SLC13A2: variants seen among roughly 807,000 people sequenced by gnomAD.
The protein encoded by SLC13A2 is solute carrier family 13 member 2.
Under a neutral mutation model 58.5 loss-of-function variants are expected in SLC13A2, and 40 were observed. That is an observed-to-expected ratio of 0.68 (90% CI 0.53 to 0.89). The LOEUF (loss-of-function observed/expected upper bound fraction) is 0.89. Among genes scored for constraint, SLC13A2 ranks in the 40% least tolerant of loss-of-function variants. SLC13A2 has a pLI of 0.00. For synonymous variants in SLC13A2, 341 were observed against 331.6 expected, an observed-to-expected ratio of 1.03 and a Z score of -0.31; for missense variants, 694 against 772.6, an observed-to-expected ratio of 0.90 and a Z score of 1.21.
intron 1 of SLC13A2, among the ~76,000 whole-genome samples, chr17:28,476,040 C>A (rs921188467): frequency 6.6e-6 from 1 of 152,118 alleles, no homozygotes; most frequent in Non-Finnish European, 1.5e-5. Flanking sequence ...ACGTCCAAAC[C>A]AAAACCCTTC....
At chr17:28,476,062 C>T (rs1412825704) in intron 1 of SLC13A2, among the ~76,000 whole-genome samples, 1 of 152,202 alleles carries the variant, frequency 6.6e-6, no homozygotes, top group Non-Finnish European at 1.5e-5. Context: ...TGCCCTTCTC[C>T]AGTTGGCTTA....
chr17:28,482,649 C>T (rs1485337093), intron 1 of SLC13A2, among the ~76,000 whole-genome samples: 1 of 152,224 alleles, frequency 6.6e-6, no homozygotes, highest in African/African-American at 2.4e-5. Context: ...CTCTTTTTCT[C>T]CCGTCTTCCA....
Position 28,497,141 on chromosome 17 carries a change from A to G in SLC13A2, c.1651A>G (p.Ile551Val). Residue 551 changes from isoleucine to valine, a missense_variant, in exon 12 of 12, where the codon ATC becomes GTC. By Grantham distance (29) the Ile-to-Val change is conservative (BLOSUM62 3). Transcript: ENST00000314669. The stretch of plus-strand genomic sequence containing the variant: ...CCTCAACATCATTGGAGTCCTGATC[A>G]TCGCACTGGCCATCAACAGCTGGGG... ...FLLNIIGVLIIALAINSWGIP... is the reference protein window; with the variant it reads ...FLLNIIGVLIVALAINSWGIP... 1 of 1,614,124 alleles carries G rather than the reference A, an allele frequency of 6.2e-7. No homozygotes were observed. The highest frequency in any genetic ancestry group is 1.3e-5 in the African/African-American group (1 of 75,024).
rs200761343 is a variant in SLC13A2 at position 28,491,461 on chromosome 17, C to T, written c.599C>T (p.Thr200Met). 108 of 1,613,710 alleles carry T rather than the reference C, an allele frequency of 6.7e-5. No individual in the cohort carries two copies. In the East Asian group the frequency reaches 1.8e-3, roughly 28 times the overall value. Residue 200 changes from threonine to methionine, a missense_variant, in exon 5 of 12, where the codon ACG (threonine) becomes ATG (methionine). Thr to Met is a moderately conservative substitution (Grantham distance 81, BLOSUM62 -1). Coordinates refer to ENST00000314669, the MANE Select transcript of SLC13A2 (RefSeq NM_003984.4). ...KLDNGQALPV[T>M]SASSEGRAHL... ...GATAATGGGCAGGCCCTCCCTGTCA[C>T]GTCTGCCTCTTCGGAGGGGAGGGCA... is the stretch of plus-strand genomic sequence containing the variant.
intron 2 of SLC13A2, 151 bp from the exon 3 acceptor site, chr17:28,490,303 G>A: frequency 6.3e-7 from 1 of 1,580,132 alleles, no homozygotes; most frequent in Non-Finnish European, 8.6e-7. Context: ...TTTTTAAATG[G>A]CAGATCATTC....
chr17:28,481,710 C>T (rs1180182991), intron 1 of SLC13A2, among the ~76,000 whole-genome samples: 4 of 152,210 alleles, frequency 2.6e-5, no homozygotes, highest in African/African-American at 9.7e-5. Flanking sequence ...AGTTGTGAAA[C>T]ATATTTTTAC....
At chr17:28,482,877 C>T (rs2151449104) in intron 1 of SLC13A2, among the ~76,000 whole-genome samples, 1 of 152,348 alleles carries the variant, frequency 6.6e-6, no homozygotes, top group East Asian at 1.9e-4. Context: ...GCCCCTTCTC[C>T]TCTGAGCGCC....
At position 28,496,029 on chromosome 17, in the gene SLC13A2, C is replaced by T. The variant is rs78843116; in HGVS notation, c.1470+213C>T. On this transcript the variant is annotated intron_variant, in intron 10 of 11. Coordinates refer to ENST00000314669, the MANE Select transcript of SLC13A2 (RefSeq NM_003984.4). The surrounding 1 kb of genome is among the most constrained non-coding windows in gnomAD (Gnocchi z 4.2). ...ACTCACCCCGTCCCTCATGATGTCA[C>T]CCCTGGAGTATCCTGATGGGGATCC... is the stretch of plus-strand genomic sequence containing the variant. Among the ~76,000 whole-genome samples, 27 of 152,098 alleles carry T rather than the reference C, an allele frequency of 1.8e-4. No homozygotes were observed. Among genetic ancestry groups the T allele is most frequent in the African/African-American group, 5.6e-4 (23 of 41,418 alleles).
At position 28,495,728 on chromosome 17, in the gene SLC13A2, T is replaced by C; in HGVS notation, c.1382T>C (p.Ile461Thr). The change falls in exon 10 of 12, where the codon ATC (isoleucine) becomes ACC (threonine). Residue 461 changes from isoleucine to threonine, a missense_variant. Physicochemically the swap from Ile to Thr is moderately conservative, Grantham distance 89. Transcript: ENST00000314669. ...LQSVPAPAIAIILSLLVATFT... is the reference protein window; with the variant it reads ...LQSVPAPAIATILSLLVATFT... ...AGTGTGCCAGCTCCAGCCATTGCCA[T>C]CATCCTCTCCCTCCTGGTGGCCACC... 2 of 1,613,148 alleles carry C rather than the reference T, an allele frequency of 1.2e-6. No homozygotes were observed. The highest frequency in any genetic ancestry group is 1.7e-6 in the Non-Finnish European group (2 of 1,179,936).
Position 28,491,801 on chromosome 17 carries a change from T to C in SLC13A2, c.827T>C (p.Ile276Thr). 6.2e-7 allele frequency: 1 copy of C among 1,614,176 alleles called. No homozygotes were observed. Among genetic ancestry groups the C allele is most frequent in the Non-Finnish European group, 8.5e-7 (1 of 1,180,012 alleles). Reference sequence around the variant, plus strand: ...AGCTTCGCCTTCCCCACCATGGTCATCTTGCTGCTGCTGGCCTGGTTGTGG... The same window carrying C: ...AGCTTCGCCTTCCCCACCATGGTCACCTTGCTGCTGCTGGCCTGGTTGTGG... The part of the protein sequence containing the change: ...WFSFAFPTMV[I>T]LLLLAWLWLQ... The change falls in exon 6 of 12, where the codon ATC becomes ACC. Residue 276 changes from isoleucine (I) to threonine (T), a missense_variant. By Grantham distance (89) the Ile-to-Thr change is moderately conservative (BLOSUM62 -1). Coordinates refer to ENST00000314669, the MANE Select transcript of SLC13A2 (RefSeq NM_003984.4).
intron 1 of SLC13A2, among the ~76,000 whole-genome samples, chr17:28,476,974 T>C (rs543906129): frequency 6.6e-6 from 1 of 151,200 alleles, no homozygotes; most frequent in Non-Finnish European, 1.5e-5. Context: ...CTGGCCAACA[T>C]GATGAAACCC....
chr17:28,495,669 A>G lies in SLC13A2; in HGVS notation c.1323A>G (p.Ser441=). 6.2e-7 allele frequency: 1 copy of G among 1,611,078 alleles called. No individual in the cohort carries two copies. The highest frequency in any genetic ancestry group is 8.5e-7 in the Non-Finnish European group (1 of 1,179,868). Reference sequence around the variant, plus strand: ...TCTGCCCACAGCGATCGGGCCTGTCAGAGTGGCTGGGAAACAAGCTGACCC... The same window carrying G: ...TCTGCCCACAGCGATCGGGCCTGTCGGAGTGGCTGGGAAACAAGCTGACCC... The part of the protein sequence containing the change: ...LAKGSERSGL[S]EWLGNKLTPL... The change falls in exon 10 of 12, where the codon TCA becomes TCG. Residue 441 remains serine (S), a synonymous_variant. Coordinates refer to ENST00000314669, the MANE Select transcript of SLC13A2 (RefSeq NM_003984.4).
chr17:28,494,207 G>C lies in SLC13A2; in HGVS notation c.1186+102G>C. On this transcript the variant is annotated intron_variant, in intron 8 of 11. Coordinates refer to ENST00000314669, the MANE Select transcript of SLC13A2 (RefSeq NM_003984.4). The surrounding 1 kb of genome is among the most constrained non-coding windows in gnomAD (Gnocchi z 4.0). The stretch of plus-strand genomic sequence containing the variant: ...ACTTGGCAGGAGTAGGCAAAGCCCA[G>C]AAAGGCTGGAGCGACTTGCCAAGGG... 1.3e-6 allele frequency: 2 copies of C among 1,483,650 alleles called. No individual in the cohort carries two copies. The highest frequency in any genetic ancestry group is 1.9e-6 in the Non-Finnish European group (2 of 1,069,916). 91.9% of individuals were successfully genotyped at this position (1,483,650 alleles called of 1,614,324 possible).
chr17:28,473,802 C>T lies in SLC13A2; in HGVS notation c.90C>T (p.Leu30=), dbSNP rs782038527. ...VPILLLPLPI[L]VPSKEAYCAY... Reference sequence around the variant, plus strand: ...TTCTCCTGCTGCCTCTGCCCATCCTCGTCCCCAGTAAGGTAAGGACTTGGT... The same window carrying T: ...TTCTCCTGCTGCCTCTGCCCATCCTTGTCCCCAGTAAGGTAAGGACTTGGT... The change falls in exon 1 of 12, where the codon CTC becomes CTT. Residue 30 remains leucine, a synonymous_variant. Transcript: ENST00000314669. 2.2e-5 allele frequency: 36 copies of T among 1,613,918 alleles called. No individual in the cohort carries two copies. Among genetic ancestry groups the T allele is most frequent in the African/African-American group, 1.1e-4 (8 of 74,916 alleles).
In SLC13A2 at chr17:28,494,218, G is replaced by A; in HGVS notation, c.1186+113G>A. 15 of 1,478,454 alleles carry A rather than the reference G, an allele frequency of 1.0e-5. No homozygotes were observed. Among genetic ancestry groups the A allele is most frequent in the Non-Finnish European group, 1.4e-5 (15 of 1,066,106 alleles). The allele number at this position is 1,478,454 out of a possible 1,614,324, so 91.6% of individuals were successfully genotyped here. A position where few individuals can be genotyped will look rare whatever the true frequency, so the allele number is the denominator to read the frequency against. On this transcript the variant is annotated intron_variant, in intron 8 of 11. Transcript: ENST00000314669. The surrounding 1 kb of genome is among the most constrained non-coding windows in gnomAD (Gnocchi z 4.0). ...GTAGGCAAAGCCCAGAAAGGCTGGAGCGACTTGCCAAGGGCACAGGGACTC... is the reference window on the plus strand; with the variant it reads ...GTAGGCAAAGCCCAGAAAGGCTGGAACGACTTGCCAAGGGCACAGGGACTC...
chr17:28,490,364 G>A, intron 2 of SLC13A2, 90 bp from the exon 3 acceptor site: 1 of 1,613,770 alleles, frequency 6.2e-7, no homozygotes. Context: ...CCAGTCTGTG[G>A]GAATGTCAGT....
At chr17:28,477,483 C>CG (rs2068707799) in intron 1 of SLC13A2, among the ~76,000 whole-genome samples, 1 of 112,644 alleles carries the variant, frequency 8.9e-6, no homozygotes, top group African/African-American at 2.7e-5. Flanking sequence ...CGTGAGCCAC[C>CG]ATGCCCGGCC....
At chr17:28,487,358 A>G (rs1224902184) in intron 1 of SLC13A2, 1 of 172,540 alleles carries the variant, frequency 5.8e-6, no homozygotes, top group Non-Finnish European at 1.2e-5. Flanking sequence ...CACTTACTAT[A>G]TGTGTGACTT....
At chr17:28,488,356 G>GT (rs1268842744) in intron 1 of SLC13A2, among the ~76,000 whole-genome samples, 3 of 152,182 alleles carry the variant, frequency 2.0e-5, no homozygotes, top group Non-Finnish European at 4.4e-5. Context: ...CAAATAAAGA[G>GT]TGGGCAGGTG....
Sources: allele counts gnomAD v4.1 joint callset (sites outside exome capture counted in the v4.1 genomes callset), GRCh38; gene constraint gnomAD v4.1.1; non-coding constraint Gnocchi (gnomAD v3.1); transcripts MANE v1.5; gene names NCBI Gene and HGNC (gene_info 2026-07-23, HGNC 2026-07-21).